SLCO4C1: variants seen among roughly 807,000 people sequenced by gnomAD.
The protein encoded by SLCO4C1 is organic anion transporter M1.
Under a neutral mutation model 72.1 loss-of-function variants are expected in SLCO4C1, and 58 were observed. The ratio of observed to expected loss-of-function variants is 0.80; its 90% CI spans 0.65 to 1.00. The LOEUF is 1.00. Ranked by LOEUF, SLCO4C1 falls within the 50% of genes least tolerant of loss-of-function variation. The pLI, the probability that SLCO4C1 is intolerant of heterozygous loss-of-function variation, is 0.00. For missense variants in SLCO4C1, 898 were observed against 857.9 expected, an observed-to-expected ratio of 1.05 and a Z score of -0.58; for synonymous variants, 297 against 312.5, an observed-to-expected ratio of 0.95 and a Z score of 0.52.
chr5:102,260,224 C>A lies in SLCO4C1; in HGVS notation c.1117G>T (p.Ala373Ser). Residue 373 changes from alanine (A) to serine (S), a missense_variant, in exon 6 of 13, where the codon GCT becomes TCT. By Grantham distance (99) the Ala-to-Ser change is moderately conservative. Transcript: ENST00000310954. ...GAATTTTATTTTACCTTTAGAGCAG[C>A]TGGAAAATCTTTAATACTTTTTCCA... ...KFGKSIKDFP[A>S]ALKNLMKNAV... 1 of 1,361,466 alleles carries A rather than the reference C, an allele frequency of 7.3e-7. No homozygotes were observed. Among genetic ancestry groups the A allele is most frequent in the Non-Finnish European group, 9.6e-7 (1 of 1,037,618 alleles). 84.3% of individuals were successfully genotyped at this position (1,361,466 alleles called of 1,614,324 possible). A position where few individuals can be genotyped will look rare whatever the true frequency, so the allele number is the denominator to read the frequency against.
At chr5:102,260,775 A>C (rs1207843917) in intron 5 of SLCO4C1, among the ~76,000 whole-genome samples, 1 of 152,132 alleles carries the variant, frequency 6.6e-6, no homozygotes, top group African/African-American at 2.4e-5. Flanking sequence ...CATGCTTGAC[A>C]AATGAAATAT....
At chr5:102,267,224 A>G (rs1749058115) in intron 3 of SLCO4C1, among the ~76,000 whole-genome samples, 2 of 152,180 alleles carry the variant, frequency 1.3e-5, no homozygotes, top group South Asian at 4.1e-4. Context: ...TACAAGTTTT[A>G]TAGACTTCAG....
intron 2 of SLCO4C1, among the ~76,000 whole-genome samples, 182 bp downstream of exon 2, chr5:102,291,161 G>T (rs1195765514): frequency 6.6e-6 from 1 of 152,160 alleles, no homozygotes; most frequent in African/African-American, 2.4e-5. Flanking sequence ...CTGAAACGAT[G>T]AATAATGTAC....
intron 3 of SLCO4C1, among the ~76,000 whole-genome samples, chr5:102,267,051 T>C (rs1285270935): frequency 2.0e-5 from 3 of 152,176 alleles, no homozygotes; most frequent in Non-Finnish European, 4.4e-5. Context: ...GAGGAATTTG[T>C]ATCTATGTTC....
At chr5:102,280,530 G>T (rs1394553377) in intron 2 of SLCO4C1, among the ~76,000 whole-genome samples, 3 of 151,896 alleles carry the variant, frequency 2.0e-5, no homozygotes, top group Non-Finnish European at 4.4e-5. Flanking sequence ...AACTATATCA[G>T]TTTAATCCCA....
chr5:102,249,518 G>A lies in SLCO4C1; in HGVS notation c.1620+120C>T. ...ATTTCAGCTGGAGACATCATGGGCTGCTTAACGGAGGCAATGGAGCAGGAA... is the reference window on the plus strand; with the variant it reads ...ATTTCAGCTGGAGACATCATGGGCTACTTAACGGAGGCAATGGAGCAGGAA... On this transcript the variant is annotated intron_variant, in intron 9 of 12. Coordinates refer to ENST00000310954, the MANE Select transcript of SLCO4C1 (RefSeq NM_180991.5). The A allele has an allele frequency of 3.1e-6, 3 of 963,642 alleles. No homozygotes were observed. The South Asian group carries it at 4.4e-5, about 14-fold the overall frequency. 59.7% of individuals were successfully genotyped at this position (963,642 alleles called of 1,614,324 possible).
At chr5:102,254,548 T>C (rs1217758552) in intron 8 of SLCO4C1, among the ~76,000 whole-genome samples, 4 of 152,208 alleles carry the variant, frequency 2.6e-5, no homozygotes, top group Non-Finnish European at 4.4e-5. Flanking sequence ...CATTATTGTC[T>C]TATTTTAAGA....
rs1190460164 is a variant in SLCO4C1 at position 102,236,855 on chromosome 5, AT to A, written c.*2del. 36 of 1,610,470 alleles carry A rather than the reference AT, an allele frequency of 2.2e-5. No homozygotes were observed. Among genetic ancestry groups the A allele is most frequent in the African/African-American group, 4.0e-5 (3 of 74,760 alleles). On this transcript the variant is annotated 3_prime_UTR_variant, in exon 13 of 13. Coordinates refer to ENST00000310954, the MANE Select transcript of SLCO4C1 (RefSeq NM_180991.5). ...GTGTAAAACAGTCTTCTCTTTTCCC[AT>A]TTCACCCTTCTTTTACTATTTTGTT...
chr5:102,294,814 A>G (rs1260037968), intron 1 of SLCO4C1, among the ~76,000 whole-genome samples: 1 of 152,238 alleles, frequency 6.6e-6, no homozygotes, highest in Non-Finnish European at 1.5e-5. Context: ...AAGAGGAAGA[A>G]TAAGAACAAA....
intron 2 of SLCO4C1, among the ~76,000 whole-genome samples, chr5:102,273,010 A>T (rs565233433): frequency 1.8e-5 from 1 of 55,744 alleles, no homozygotes; most frequent in African/African-American, 1.3e-4. Context: ...AAACACAAAC[A>T]TGGGCTAAAT....
intron 8 of SLCO4C1, among the ~76,000 whole-genome samples, chr5:102,252,205 A>G (rs1180658181): frequency 6.6e-6 from 1 of 152,118 alleles, no homozygotes; most frequent in Non-Finnish European, 1.5e-5. Context: ...TCCTTGCATC[A>G]GGGGTCAAAC....
At position 102,258,052 on chromosome 5, in the gene SLCO4C1, A is replaced by G. The variant is rs962919529; in HGVS notation, c.1164T>C (p.Val388=). The change falls in exon 7 of 13, where the codon GTT becomes GTC. Residue 388 remains valine (V), a synonymous_variant. Coordinates refer to ENST00000310954, the MANE Select transcript of SLCO4C1 (RefSeq NM_180991.5). ...TTAAGGCTTCTGAAGAAGTTGATAG[A>G]ACTAAACACATAAAGACAGCATTCT... is the stretch of plus-strand genomic sequence containing the variant. ...LMKNAVFMCL[V]LSTSSEALIT... 12 of 1,593,256 alleles carry G rather than the reference A, an allele frequency of 7.5e-6. No homozygotes were observed. The highest frequency in any genetic ancestry group is 6.8e-5 in the African/African-American group (5 of 73,572).
intron 8 of SLCO4C1, among the ~76,000 whole-genome samples, chr5:102,250,879 C>T (rs1011799152): frequency 2.0e-5 from 3 of 151,788 alleles, no homozygotes; most frequent in Admixed American, 6.6e-5. Flanking sequence ...TCCCAGTTCT[C>T]GGGAGGCTGA....
In SLCO4C1 at chr5:102,239,297, G is replaced by C; in HGVS notation, c.1968C>G (p.Cys656Trp). ...DINDCGIKGA[C>W]WIYDNIKMAH... Reference sequence around the variant, plus strand: ...CCATCTTGATGTTATCATAAATCCAGCAAGCTCCTTTAATTCCACAATCAT... The same window carrying C: ...CCATCTTGATGTTATCATAAATCCACCAAGCTCCTTTAATTCCACAATCAT... Residue 656 changes from cysteine (C) to tryptophan (W), a missense_variant, in exon 12 of 13, where the codon TGC becomes TGG. Physicochemically the swap from Cys to Trp is radical, Grantham distance 215. Transcript: ENST00000310954. The C allele has an allele frequency of 6.3e-7, 1 of 1,599,574 alleles. No individual in the cohort carries two copies. Among genetic ancestry groups the C allele is most frequent in the Non-Finnish European group, 8.5e-7 (1 of 1,173,104 alleles).
At chr5:102,258,230 T>C in intron 6 of SLCO4C1, 143 bp from the exon 7 acceptor site, 1 of 567,458 alleles carries the variant, frequency 1.8e-6, no homozygotes, top group Non-Finnish European at 2.9e-6. Context: ...AAAATATAAC[T>C]ATGGATAATT....
At chr5:102,249,253 T>G (rs1435376769) in intron 9 of SLCO4C1, among the ~76,000 whole-genome samples, 2 of 152,042 alleles carry the variant, frequency 1.3e-5, no homozygotes, top group Non-Finnish European at 2.9e-5. Flanking sequence ...CCATATATAC[T>G]GAGGTGCTGA....
intron 6 of SLCO4C1, 94 bp from the exon 7 acceptor site, chr5:102,258,181 T>C: frequency 4.0e-6 from 4 of 1,009,124 alleles, no homozygotes; most frequent in Non-Finnish European, 5.5e-6. Context: ...AACAAAATTT[T>C]ACAATCATCT....
chr5:102,274,997 G>GA (rs1285037764), intron 2 of SLCO4C1, among the ~76,000 whole-genome samples: 2 of 151,032 alleles, frequency 1.3e-5, no homozygotes, highest in African/African-American at 4.9e-5. Flanking sequence ...GATGTCATAA[G>GA]AAAAAAAAGG....
chr5:102,291,608 T>TA lies in SLCO4C1; in HGVS notation c.356-3dup. On this transcript the variant is annotated splice_region_variant and splice_polypyrimidine_tract_variant and intron_variant, in intron 1 of 12. Coordinates refer to ENST00000310954, the MANE Select transcript of SLCO4C1 (RefSeq NM_180991.5). Reference sequence around the variant, plus strand: ...TTACTAGGCCATTAACTACAATACCTAAAAAACAGAAAAGTTGATGTGCAT... The same window carrying TA: ...TTACTAGGCCATTAACTACAATACCTAAAAAAACAGAAAAGTTGATGTGCAT... 1 of 1,595,790 alleles carries TA rather than the reference T, an allele frequency of 6.3e-7. No individual in the cohort carries two copies. The highest frequency in any genetic ancestry group is 2.2e-5 in the East Asian group (1 of 44,592).
Sources: gnomAD v4.1 joint callset for allele counts (sites outside exome capture counted in the v4.1 genomes callset) on GRCh38, gnomAD v4.1.1 for gene constraint, MANE v1.5 for transcripts, NCBI Gene and HGNC (gene_info 2026-07-23, HGNC 2026-07-21) for gene names.